MYO5B: variants seen among roughly 807,000 people sequenced by gnomAD.
MYO5B encodes the protein unconventional myosin-Vb.
In MYO5B, 143 loss-of-function variants were observed where a neutral mutation model predicts 229.3. The ratio of observed to expected loss-of-function variants is 0.62; its 90% CI spans 0.54 to 0.72. The LOEUF (loss-of-function observed/expected upper bound fraction) is 0.72, where lower values mean the gene tolerates loss of function less well. Among genes scored for constraint, MYO5B ranks in the 30% least tolerant of loss-of-function variants. The pLI, the probability that MYO5B is intolerant of heterozygous loss-of-function variation, is 0.00. For synonymous variants in MYO5B, 918 were observed against 885.2 expected (o/e 1.04, Z -0.66); for missense variants, 2,321 against 2,331.0 (o/e 1.00, Z 0.09).
rs539555448 is a variant in MYO5B, at chr18:49,962,794, C to T, written c.1404+155G>A. 2.6e-4 allele frequency among the ~76,000 whole-genome samples: 40 copies of T among 152,202 alleles called. No homozygotes were observed. In the South Asian group the frequency reaches 3.5e-3, roughly 13 times the overall value. On this transcript the variant is annotated intron_variant, in intron 11 of 39. Transcript: ENST00000285039. ...GTTCTCCCTCCTGAGCAGTGGAGAG[C>T]CCCTTCCGAAAGCTGGAGGTACCAC...
At chr18:50,176,726 G>T (rs1463456374) in intron 1 of MYO5B, among the ~76,000 whole-genome samples, 1 of 152,180 alleles carries the variant, frequency 6.6e-6, no homozygotes, top group Non-Finnish European at 1.5e-5. Context: ...ATAATTAAAA[G>T]AAATCATAAA....
chr18:49,838,051 T>G (rs968853020), intron 36 of MYO5B, among the ~76,000 whole-genome samples: 1 of 152,252 alleles, frequency 6.6e-6, no homozygotes, highest in African/African-American at 2.4e-5. Context: ...GATGGGCATG[T>G]ACCAGCTCGA....
intron 8 of MYO5B, 122 bp from the exon 9 acceptor site, chr18:49,980,675 C>T: frequency 1.4e-6 from 1 of 723,862 alleles, no homozygotes; most frequent in East Asian, 2.7e-5. Flanking sequence ...GACCCGATGA[C>T]TCCTAAAATG....
rs1469491272 is a variant in MYO5B at position 49,836,638 on chromosome 18, A to C, written c.5313+73T>G. ...GTGCAACACTAACAAATAACCACCA[A>C]CGAGAACAGACTTGGAATGGACTCA... is the stretch of plus-strand genomic sequence containing the variant. On this transcript the variant is annotated intron_variant, in intron 38 of 39. Coordinates refer to ENST00000285039, the MANE Select transcript of MYO5B (RefSeq NM_001080467.3). 2.6e-6 allele frequency: 4 copies of C among 1,563,032 alleles called. No homozygotes were observed. In the South Asian group the frequency reaches 4.5e-5, roughly 17 times the overall value.
rs777819889 is a variant in MYO5B, at chr18:50,069,524, ATC to A, written c.28-14148_28-14147del. ...ACACTGTCCACTGTCTATTCACAGT[ATC>A]TCTCTCTCACACTCATGTCTGAGCA... On this transcript the variant is annotated intron_variant, in intron 1 of 39. Coordinates refer to ENST00000285039, the MANE Select transcript of MYO5B (RefSeq NM_001080467.3). Among the ~76,000 whole-genome samples, 14 of 152,302 alleles carry A rather than the reference ATC, an allele frequency of 9.2e-5. No homozygotes were observed. The East Asian group carries it at 1.5e-3, about 17-fold the overall frequency.
At chr18:50,001,162 G>A (rs561907268) in intron 5 of MYO5B, 93 bp downstream of exon 5, 9 of 1,526,156 alleles carry the variant, frequency 5.9e-6, no homozygotes, top group East Asian at 4.5e-5. Context: ...AGGGAGAGGC[G>A]TGAAGGCTGC....
rs2032285293 is a variant in MYO5B, at chr18:50,133,448, T to TA, written c.27+61318dup. 1.3e-5 allele frequency among the ~76,000 whole-genome samples: 2 copies of TA among 152,128 alleles called. 1 individual carries two copies. The highest frequency in any genetic ancestry group is 1.3e-4 in the Admixed American group (2 of 15,280). ...CTTCAATAGAAAGAGTGAAAGCTCA[T>TA]ATGGTGCAGACGTCAGAAACATGAC... On this transcript the variant is annotated intron_variant, in intron 1 of 39. Coordinates refer to ENST00000285039, the MANE Select transcript of MYO5B (RefSeq NM_001080467.3).
At chr18:49,980,669 C>T (rs990301810) in intron 8 of MYO5B, 116 bp from the exon 9 acceptor site, 12 of 743,474 alleles carry the variant, frequency 1.6e-5, no homozygotes, top group African/African-American at 7.0e-5. Flanking sequence ...CTTTCTGACC[C>T]GATGACTCCT....
chr18:49,913,526 C>T (rs1330394847), intron 17 of MYO5B, among the ~76,000 whole-genome samples: 1 of 152,100 alleles, frequency 6.6e-6, no homozygotes, highest in Admixed American at 6.5e-5. Flanking sequence ...TACAGGCAGC[C>T]CCCCACCCAC....
intron 2 of MYO5B, among the ~76,000 whole-genome samples, chr18:50,051,710 T>C (rs1383104713): frequency 1.3e-5 from 2 of 152,178 alleles, no homozygotes; most frequent in African/African-American, 4.8e-5. Flanking sequence ...CCCCAAGAAG[T>C]TTATCATCTT....
intron 22 of MYO5B, among the ~76,000 whole-genome samples, chr18:49,891,439 C>A (rs1358130588): frequency 1.3e-5 from 2 of 152,158 alleles, no homozygotes; most frequent in African/African-American, 4.8e-5. Flanking sequence ...CATTTAAGCT[C>A]CTTAAGAACG....
intron 17 of MYO5B, among the ~76,000 whole-genome samples, chr18:49,925,086 A>T (rs1006455253): frequency 6.6e-6 from 1 of 152,176 alleles, no homozygotes; most frequent in Admixed American, 6.5e-5. Flanking sequence ...GGAGCTGCAC[A>T]TGCCTCATTA....
intron 4 of MYO5B, among the ~76,000 whole-genome samples, chr18:50,030,676 C>T (rs535600002): frequency 3.9e-5 from 6 of 151,938 alleles, no homozygotes; most frequent in African/African-American, 1.4e-4. Flanking sequence ...AGCAAGGGTG[C>T]ATTTCATTCC....
intron 3 of MYO5B, 104 bp downstream of exon 3, chr18:50,040,039 C>A: frequency 1.5e-6 from 2 of 1,294,432 alleles, no homozygotes; most frequent in Non-Finnish European, 2.2e-6. Context: ...GAGATACTTA[C>A]AAATGAGAGA....
intron 5 of MYO5B, among the ~76,000 whole-genome samples, chr18:49,995,672 T>C (rs1226694981): frequency 6.6e-6 from 1 of 152,184 alleles, no homozygotes; most frequent in African/African-American, 2.4e-5. Context: ...CTCAGGGCAA[T>C]TAAGTAGTTG....
intron 1 of MYO5B, among the ~76,000 whole-genome samples, chr18:50,082,952 C>T (rs1000771888): frequency 3.9e-5 from 6 of 152,144 alleles, no homozygotes; most frequent in Non-Finnish European, 8.8e-5. Context: ...CACCTGGAGA[C>T]CCCACAGATT....
At chr18:49,872,467 TC>T (rs1235596256) in intron 26 of MYO5B, among the ~76,000 whole-genome samples, 2 of 152,230 alleles carry the variant, frequency 1.3e-5, no homozygotes, top group East Asian at 3.9e-4. Context: ...ACTCACATGG[TC>T]CCCACAGGCA....
intron 3 of MYO5B, among the ~76,000 whole-genome samples, chr18:50,038,659 C>T (rs1443957234): frequency 1.3e-5 from 2 of 152,188 alleles, no homozygotes; most frequent in East Asian, 3.9e-4. Context: ...CTAGTGCTTC[C>T]TGGATGACTC....
In MYO5B at chr18:50,141,090, G is replaced by A. The variant is rs561341127; in HGVS notation, c.27+53677C>T. Among the ~76,000 whole-genome samples, 12 of 152,214 alleles carry A rather than the reference G, an allele frequency of 7.9e-5. No homozygotes were observed. In the South Asian group the frequency reaches 2.1e-3, roughly 26 times the overall value. On this transcript the variant is annotated intron_variant, in intron 1 of 39. Coordinates refer to ENST00000285039, the MANE Select transcript of MYO5B (RefSeq NM_001080467.3). ...TCAATCTCCAGCCCCCAACCTAAAT[G>A]GCATAGTTGATTCTTGAGGTAGGAG...
Sources: allele counts gnomAD v4.1 joint callset (sites outside exome capture counted in the v4.1 genomes callset), GRCh38; gene constraint gnomAD v4.1.1; transcripts MANE v1.5; gene names NCBI Gene and HGNC (gene_info 2026-07-23, HGNC 2026-07-21).